The following WASHC2C variants were observed in gnomAD, a reference collection of about 807,000 sequenced individuals.
The protein encoded by WASHC2C is WASH complex subunit 2C.
Under a neutral mutation model 142.2 loss-of-function variants are expected in WASHC2C, and 73 were observed. The observed-to-expected ratio is 0.51, with a 90% CI of 0.43 to 0.62. The LOEUF (loss-of-function observed/expected upper bound fraction) is 0.62, where lower values mean the gene tolerates loss of function less well. WASHC2C is among the 20% of genes least tolerant of loss of function. WASHC2C has a pLI of 0.00. For synonymous variants in WASHC2C, 337 were observed against 565.5 expected (o/e 0.60, Z 5.73); for missense variants, 969 against 1,531.7 (o/e 0.63, Z 6.13).
rs1420245751 is a variant in WASHC2C, at chr10:45,752,773, A to G, written c.1122+67A>G. ...TGTCAGGGGTCCACAGGGAAGATAT[A>G]GGCTTTGCTTGTTTAGTGGGGGAAA... is the stretch of plus-strand genomic sequence containing the variant. On this transcript the variant is annotated intron_variant, in intron 12 of 30. Coordinates refer to ENST00000623400, the MANE Select transcript of WASHC2C (RefSeq NM_001330074.2). 2.8e-5 allele frequency: 31 copies of G among 1,089,990 alleles called. No homozygotes were observed. In the Admixed American group the frequency reaches 7.2e-4, roughly 25 times the overall value. 67.5% of individuals were successfully genotyped at this position (1,089,990 alleles called of 1,614,324 possible).
chr10:45,744,700 G>A (rs1191926031), intron 6 of WASHC2C, 121 bp from the exon 7 acceptor site: 1 of 535,896 alleles, frequency 1.9e-6, no homozygotes, highest in Non-Finnish European at 3.4e-6. Flanking sequence ...ATTCCAGTAA[G>A]TGGGTATAGA....
chr10:45,790,366 T>C lies in WASHC2C; in HGVS notation c.3719T>C (p.Phe1240Ser). The change falls in exon 30 of 31, where the codon TTT becomes TCT. Residue 1240 changes from phenylalanine (F) to serine (S), a missense_variant. Transcript: ENST00000623400. ...TTTTGGCTTAACAAGGATGATATAT[T>C]TGCTACGGAAGCAATTAAACCCTCT... is the stretch of plus-strand genomic sequence containing the variant. ...TTQDIFEDDI[F>S]ATEAIKPSQK... 6.2e-7 allele frequency: 1 copy of C among 1,608,092 alleles called. No individual in the cohort carries two copies. The highest frequency in any genetic ancestry group is 8.5e-7 in the Non-Finnish European group (1 of 1,179,074).
chr10:45,784,268 A>ATATATATATGTG (rs2057786721), intron 23 of WASHC2C, among the ~76,000 whole-genome samples: 1 of 5,466 alleles, frequency 1.8e-4, no homozygotes, highest in Admixed American at 3.8e-3. Context: ...ATATATATAT[A>ATATATATATGTG]TATATATATA....
chr10:45,786,386 A>G, intron 26 of WASHC2C: 2 of 634,250 alleles, frequency 3.2e-6, no homozygotes, highest in East Asian at 2.8e-5. Context: ...GTATTCCTTG[A>G]CTCCATATCT....
chr10:45,758,634 G>T (rs2054637093), intron 16 of WASHC2C, among the ~76,000 whole-genome samples: 1 of 147,634 alleles, frequency 6.8e-6, no homozygotes. Context: ...GTGAGACAGG[G>T]TCTTGCTCTG....
At chr10:45,770,660 T>C (rs2056489778) in intron 20 of WASHC2C, among the ~76,000 whole-genome samples, 1 of 152,214 alleles carries the variant, frequency 6.6e-6, no homozygotes, top group South Asian at 2.1e-4. Context: ...TCGAATCTTG[T>C]CAAGCATCAC....
chr10:45,771,536 C>T (rs1406115042), intron 20 of WASHC2C: 1 of 982,638 alleles, frequency 1.0e-6, no homozygotes, highest in African/African-American at 1.8e-5. Flanking sequence ...ACTACCCCCA[C>T]CCCACACAAG....
At chr10:45,741,663 C>T (rs1460758017) in intron 5 of WASHC2C, among the ~76,000 whole-genome samples, 1 of 152,160 alleles carries the variant, frequency 6.6e-6, no homozygotes, top group African/African-American at 2.4e-5. Context: ...CAGAATTATT[C>T]TCCCCTGCCC....
chr10:45,765,470 C>T (rs1482337787), intron 18 of WASHC2C, among the ~76,000 whole-genome samples: 3 of 148,846 alleles, frequency 2.0e-5, no homozygotes, highest in Non-Finnish European at 4.5e-5. Context: ...GTTCTGCCTT[C>T]GAGTTCTATG....
In WASHC2C at chr10:45,787,072, C is replaced by T. The variant is rs1564828335; in HGVS notation, c.2912C>T (p.Thr971Ile). 2.5e-6 allele frequency: 4 copies of T among 1,609,274 alleles called. No individual in the cohort carries two copies. Among genetic ancestry groups the T allele is most frequent in the Non-Finnish European group, 8.5e-7 (1 of 1,178,918 alleles). Reference protein sequence around the residue: ...LAINPAALLPTAASQISEVKP... With the variant: ...LAINPAALLPIAASQISEVKP... Reference sequence around the variant, plus strand: ...ATCAACCCAGCGGCCTTGCTGCCCACAGCGGCTTCCCAGATCTCTGAAGTA... The same window carrying T: ...ATCAACCCAGCGGCCTTGCTGCCCATAGCGGCTTCCCAGATCTCTGAAGTA... Residue 971 changes from threonine (T) to isoleucine (I), a missense_variant, in exon 28 of 31, where the codon ACA becomes ATA. Physicochemically the swap from Thr to Ile is moderately conservative, Grantham distance 89. Coordinates refer to ENST00000623400, the MANE Select transcript of WASHC2C (RefSeq NM_001330074.2).
rs797033033 is a variant in WASHC2C, at chr10:45,749,851, A to ATATATATATATATATATATATT, written c.733-240_733-239insATATATATATATATATTTATAT. ...AAAAAAAAAAAATATATATATATAT[A>ATATATATATATATATATATATT]TATATTTATATATATATATATTTAT... On this transcript the variant is annotated intron_variant, in intron 8 of 30. Coordinates refer to ENST00000623400, the MANE Select transcript of WASHC2C (RefSeq NM_001330074.2). Among the ~76,000 whole-genome samples, 140 of 108,066 alleles carry ATATATATATATATATATATATT rather than the reference A, an allele frequency of 1.3e-3. 3 individuals are homozygous for ATATATATATATATATATATATT. The highest frequency in any genetic ancestry group is 5.4e-3 in the African/African-American group (133 of 24,596). The allele number at this position is 108,066 out of a possible 152,430, so 70.9% of individuals were successfully genotyped here. A position where few individuals can be genotyped will look rare whatever the true frequency, so the allele number is the denominator to read the frequency against.
chr10:45,727,424 G>T lies in WASHC2C; in HGVS notation c.11G>T (p.Arg4Leu). 6.8e-6 allele frequency: 11 copies of T among 1,611,428 alleles called. No homozygotes were observed. Among genetic ancestry groups the T allele is most frequent in the Non-Finnish European group, 9.3e-6 (11 of 1,179,456 alleles). The change falls in exon 2 of 31, where the codon CGG becomes CTG. Residue 4 changes from arginine to leucine, a missense_variant. Coordinates refer to ENST00000623400, the MANE Select transcript of WASHC2C (RefSeq NM_001330074.2). ...TCGTTTTTTTCGCTGCAGATGAACC[G>T]GACGACCCCCGACCAGGAGCTGGTG... MMN[R>L]TTPDQELVPA...
At chr10:45,749,840 T>C (rs1360584107) in intron 8 of WASHC2C, among the ~76,000 whole-genome samples, 1 of 67,364 alleles carries the variant, frequency 1.5e-5, no homozygotes, top group Non-Finnish European at 2.9e-5. Context: ...AAAAAAAATA[T>C]ATATATATAT....
At chr10:45,770,812 C>T (rs2056507353) in intron 20 of WASHC2C, among the ~76,000 whole-genome samples, 1 of 152,174 alleles carries the variant, frequency 6.6e-6, no homozygotes, top group South Asian at 2.1e-4. Flanking sequence ...TACCTAACTT[C>T]CCTGTGCCTC....
chr10:45,749,856 T>TA (rs1554873301), intron 8 of WASHC2C, among the ~76,000 whole-genome samples: 43 of 134,730 alleles, frequency 3.2e-4, no homozygotes, highest in Middle Eastern at 3.7e-3. Flanking sequence ...TATATATATA[T>TA]TTATATATAT....
intron 29 of WASHC2C, 26 bp downstream of exon 29, chr10:45,789,517 G>A: frequency 6.2e-7 from 1 of 1,611,912 alleles, no homozygotes. Context: ...ACGTTTTTGT[G>A]TCTGTTCTAA....
chr10:45,734,208 G>A (rs1416054232), intron 3 of WASHC2C, among the ~76,000 whole-genome samples: 2 of 152,124 alleles, frequency 1.3e-5, no homozygotes. Context: ...CAGGGTGACA[G>A]AGCAAGACTC....
chr10:45,740,635 CAG>C (rs1190132109), intron 5 of WASHC2C, among the ~76,000 whole-genome samples: 1 of 152,034 alleles, frequency 6.6e-6, no homozygotes, highest in Non-Finnish European at 1.5e-5. Context: ...TCAAAAGAGA[CAG>C]AGAGTGTTGG....
rs976308598 is a variant in WASHC2C at position 45,727,668 on chromosome 10, C to G, written c.126+129C>G. ...CCTGCCCTCTTAGGAACACACGCCC[C>G]GTTTAGCCCCCGAGAATGCCACCCT... On this transcript the variant is annotated intron_variant, in intron 2 of 30. Transcript: ENST00000623400. 15 of 1,257,172 alleles carry G rather than the reference C, an allele frequency of 1.2e-5. No individual in the cohort carries two copies. The East Asian group carries it at 3.0e-4, about 25-fold the overall frequency. The allele number at this position is 1,257,172 out of a possible 1,614,324, so 77.9% of individuals were successfully genotyped here. A position where few individuals can be genotyped will look rare whatever the true frequency, so the allele number is the denominator to read the frequency against.
Sources: gnomAD v4.1 joint callset for allele counts (sites outside exome capture counted in the v4.1 genomes callset) on GRCh38, gnomAD v4.1.1 for gene constraint, MANE v1.5 for transcripts, NCBI Gene and HGNC (gene_info 2026-07-23, HGNC 2026-07-21) for gene names.